KHDRBS2: variants seen among roughly 807,000 people sequenced by gnomAD.
KHDRBS2 encodes the protein KH domain-containing, RNA-binding, signal transduction-associated protein 2.
A neutral mutation model predicts 44.3 loss-of-function variants in KHDRBS2; 26 were observed. That is an observed-to-expected ratio of 0.59 (90% CI 0.43 to 0.81). KHDRBS2 has a LOEUF of 0.81. Among genes scored for constraint, KHDRBS2 ranks in the 40% least tolerant of loss-of-function variants. The pLI is 0.00. For synonymous variants in KHDRBS2, 194 were observed against 151.1 expected, an observed-to-expected ratio of 1.28 and a Z score of -2.08; for missense variants, 476 against 433.1, an observed-to-expected ratio of 1.10 and a Z score of -0.88.
Position 61,851,388 on chromosome 6 carries a change from G to C in KHDRBS2, c.810+43247C>G, listed in dbSNP as rs550696667. Among the ~76,000 whole-genome samples the C allele has an allele frequency of 1.2e-4, 18 of 152,062 alleles. No individual in the cohort carries two copies. In the East Asian group the frequency reaches 3.3e-3, roughly 28 times the overall value. On this transcript the variant is annotated intron_variant, in intron 6 of 8. Coordinates refer to ENST00000281156, the MANE Select transcript of KHDRBS2 (RefSeq NM_152688.4). ...TGTATGTTGTTTGGGACTGAACTGT[G>C]TACCAAAAAATTCATATGTTGAATT...
intron 3 of KHDRBS2, among the ~76,000 whole-genome samples, chr6:62,011,861 T>C (rs139065387): frequency 7.2e-4 from 109 of 152,322 alleles, no homozygotes; most frequent in African/African-American, 2.4e-3. Context: ...AAATGTACTA[T>C]AGGAAAACAA....
At chr6:61,702,138 A>G (rs1768785555) in intron 7 of KHDRBS2, among the ~76,000 whole-genome samples, 1 of 151,908 alleles carries the variant, frequency 6.6e-6, no homozygotes, top group Non-Finnish European at 1.5e-5. Context: ...TCCCCTCTAC[A>G]ACCAATCTGT....
At chr6:61,910,282 G>C (rs543666737) in intron 4 of KHDRBS2, among the ~76,000 whole-genome samples, 4 of 152,316 alleles carry the variant, frequency 2.6e-5, no homozygotes, top group African/African-American at 9.6e-5. Flanking sequence ...AATCAGCCCA[G>C]GCTCAGAACC....
At chr6:62,130,583 T>C (rs898278865) in intron 2 of KHDRBS2, among the ~76,000 whole-genome samples, 1 of 151,988 alleles carries the variant, frequency 6.6e-6, no homozygotes, top group Non-Finnish European at 1.5e-5. Flanking sequence ...TATTAATATA[T>C]TGATGATTTA....
intron 6 of KHDRBS2, among the ~76,000 whole-genome samples, chr6:61,785,964 ACTATATCCTTGG>A (rs1783741458): frequency 6.6e-6 from 1 of 151,966 alleles, no homozygotes; most frequent in Non-Finnish European, 1.5e-5. Flanking sequence ...TTTTCTGCTG[ACTATATCCTTGG>A]CTAATATCAA....
At chr6:61,574,940 C>G in the KHDRBS2 span, among the ~76,000 whole-genome samples, 1 of 152,036 alleles carries the variant, frequency 6.6e-6, no homozygotes, top group Non-Finnish European at 1.5e-5. Context: ...ACTGGATCCT[C>G]ATCTCTCACC....
intron 4 of KHDRBS2, among the ~76,000 whole-genome samples, chr6:61,967,945 T>TAC (rs142534764): frequency 0.23 from 25,909 of 114,310 alleles, 2,732 homozygotes; most frequent in African/African-American, 0.34. Context: ...TATATATATA[T>TAC]ATATATATAT....
the KHDRBS2 span, among the ~76,000 whole-genome samples, chr6:61,643,206 TA>T: frequency 1.3e-5 from 2 of 152,198 alleles, no homozygotes; most frequent in African/African-American, 2.4e-5. Flanking sequence ...AAAGATTTGA[TA>T]TGAAAAATTT....
intron 7 of KHDRBS2, among the ~76,000 whole-genome samples, chr6:61,724,326 T>C (rs62426170): frequency 0.18 from 27,842 of 151,844 alleles, 2,675 homozygotes; most frequent in Non-Finnish European, 0.2. Context: ...AGACTAAATA[T>C]GGAAAGAAAA....
chr6:62,021,057 G>A (rs1180553225), intron 3 of KHDRBS2, among the ~76,000 whole-genome samples: 2 of 152,010 alleles, frequency 1.3e-5, no homozygotes, highest in Non-Finnish European at 2.9e-5. Context: ...CCATGGAAAA[G>A]AATGAGATCG....
rs368700003 is a variant in KHDRBS2 at position 61,701,629 on chromosome 6, T to C, written c.894-4376A>G. Among the ~76,000 whole-genome samples the C allele has an allele frequency of 2.6e-5, 4 of 152,142 alleles. No homozygotes were observed. In the East Asian group the frequency reaches 7.8e-4, roughly 30 times the overall value. ...TGGGATAAAGAAGACCCTTCCAGGGTATCTGGCTTAACTCCCAGAAAAGAG... is the reference window on the plus strand; with the variant it reads ...TGGGATAAAGAAGACCCTTCCAGGGCATCTGGCTTAACTCCCAGAAAAGAG... On this transcript the variant is annotated intron_variant, in intron 7 of 8. Coordinates refer to ENST00000281156, the MANE Select transcript of KHDRBS2 (RefSeq NM_152688.4).
rs529070703 is a variant in KHDRBS2, at chr6:62,175,967, A to C, written c.219+1218T>G. Among the ~76,000 whole-genome samples the C allele has an allele frequency of 1.2e-4, 18 of 151,536 alleles. 1 individual carries two copies. The South Asian group carries it at 3.7e-3, about 31-fold the overall frequency. ...TTGACTTTCCCATATCCAGAGATAA[A>C]AATATGTTATTCCAAGAAACATCAT... On this transcript the variant is annotated intron_variant, in intron 2 of 8. Transcript: ENST00000281156.
chr6:61,930,893 C>T (rs146189489), intron 4 of KHDRBS2, among the ~76,000 whole-genome samples: 4 of 152,076 alleles, frequency 2.6e-5, no homozygotes, highest in East Asian at 1.9e-4. Context: ...AAACCTAATA[C>T]CACATTTTTT....
intron 3 of KHDRBS2, among the ~76,000 whole-genome samples, chr6:61,978,948 C>A (rs1773288379): frequency 6.6e-6 from 1 of 152,130 alleles, no homozygotes; most frequent in East Asian, 1.9e-4. Context: ...ATGGCAAAAA[C>A]CATAATTGCT....
At chr6:61,582,249 T>C in the KHDRBS2 span, among the ~76,000 whole-genome samples, 1 of 151,604 alleles carries the variant, frequency 6.6e-6, no homozygotes, top group South Asian at 2.1e-4. Flanking sequence ...AAGCAGTAAA[T>C]AGTTATTTAG....
rs1229403729 is a variant in KHDRBS2, at chr6:61,848,538, T to C, written c.810+46097A>G. On this transcript the variant is annotated intron_variant, in intron 6 of 8. Transcript: ENST00000281156. The stretch of plus-strand genomic sequence containing the variant: ...ATATATGTATATATATATACATATA[T>C]ATGTATATATATACATATATATATG... 9.6e-4 allele frequency among the ~76,000 whole-genome samples: 53 copies of C among 55,428 alleles called. 4 individuals carry two copies. Among genetic ancestry groups the C allele is most frequent in the East Asian group, 1.6e-3 (4 of 2,464 alleles). 36.4% of individuals were successfully genotyped at this position (55,428 alleles called of 152,430 possible). A position where few individuals can be genotyped will look rare whatever the true frequency, so the allele number is the denominator to read the frequency against.
chr6:62,098,620 G>C (rs933816256), intron 2 of KHDRBS2, among the ~76,000 whole-genome samples: 2 of 152,044 alleles, frequency 1.3e-5, no homozygotes, highest in Non-Finnish European at 2.9e-5. Flanking sequence ...TATGTCTTGG[G>C]GAACACTCAT....
intron 1 of KHDRBS2, among the ~76,000 whole-genome samples, chr6:62,215,010 C>A (rs1164542598): frequency 6.6e-6 from 1 of 151,694 alleles, no homozygotes; most frequent in Non-Finnish European, 1.5e-5. Context: ...TAAAATCCAT[C>A]CAAAATCTCA....
intron 6 of KHDRBS2, among the ~76,000 whole-genome samples, chr6:61,736,185 G>T (rs1582496276): frequency 1.6e-5 from 2 of 124,900 alleles, no homozygotes; most frequent in African/African-American, 3.0e-5. Flanking sequence ...TGTCCTATAT[G>T]ATATCTCTTA....
Sources: gnomAD v4.1 joint callset for allele counts (sites outside exome capture counted in the v4.1 genomes callset) on GRCh38, gnomAD v4.1.1 for gene constraint, MANE v1.5 for transcripts, NCBI Gene and HGNC (gene_info 2026-07-23, HGNC 2026-07-21) for gene names.